The following RBFOX1 variants were observed in gnomAD, a reference collection of about 807,000 sequenced individuals.
RBFOX1 encodes the protein RNA binding fox-1 homolog 1.
Under a neutral mutation model 57.7 loss-of-function variants are expected in RBFOX1, and 8 were observed. The ratio of observed to expected loss-of-function variants is 0.14; its 90% CI spans 0.08 to 0.25. The LOEUF (loss-of-function observed/expected upper bound fraction) is 0.25. RBFOX1 is among the 10% of genes least tolerant of loss of function. The pLI is 1.00. For synonymous variants in RBFOX1, 326 were observed against 222.4 expected (o/e 1.47, Z -4.15); for missense variants, 611 against 548.5 (o/e 1.11, Z -1.14).
rs2096264395 is a variant in RBFOX1 at position 6,097,935 on chromosome 16, G to A, written c.-127+77943G>A. 6.6e-6 allele frequency among the ~76,000 whole-genome samples: 1 copy of A among 152,128 alleles called. No homozygotes were observed. The highest frequency in any genetic ancestry group is 2.1e-4 in the South Asian group (1 of 4,822). The stretch of plus-strand genomic sequence containing the variant: ...AGCAAGCATCAATGAGTCCTGGAGG[G>A]CTTTTAAACCATAGATGATCAGGGC... On this transcript the variant is annotated intron_variant, in intron 1 of 15. Transcript: ENST00000550418. This position sits in a 1 kb window ranked among gnomAD's most constrained non-coding sequence, Gnocchi z 5.0.
intron 3 of RBFOX1, among the ~76,000 whole-genome samples, chr16:6,659,459 T>A (rs1335078836): frequency 2.6e-5 from 4 of 152,166 alleles, no homozygotes; most frequent in African/African-American, 9.7e-5. Context: ...ACAATACTTC[T>A]TCCAGATCAG....
intron 1 of RBFOX1, among the ~76,000 whole-genome samples, chr16:6,096,248 G>A (rs1038251914): frequency 6.6e-6 from 1 of 152,146 alleles, no homozygotes; most frequent in African/African-American, 2.4e-5. Flanking sequence ...AAGGAGAAAA[G>A]TTCTGTCCCA....
At position 6,051,146 on chromosome 16, in the gene RBFOX1, G is replaced by T. The variant is rs750611117; in HGVS notation, c.-127+31154G>T. On this transcript the variant is annotated intron_variant, in intron 1 of 15. Transcript: ENST00000550418. ...TGGTGACAAAACTGCAATTACTTTT[G>T]CAGTAATCTAATAGTTCCTAAGGGT... 6.6e-5 allele frequency among the ~76,000 whole-genome samples: 10 copies of T among 151,284 alleles called. 1 individual carries two copies. Among genetic ancestry groups the T allele is most frequent in the Admixed American group, 1.3e-4 (2 of 15,162 alleles).
intron 12 of RBFOX1, among the ~76,000 whole-genome samples, chr16:7,662,347 T>A (rs571291044): frequency 6.6e-6 from 1 of 152,312 alleles, no homozygotes; most frequent in Admixed American, 6.5e-5. Context: ...TTCTCCTCCA[T>A]TGACAACAGC....
At chr16:6,227,731 A>G (rs1283424143) in intron 1 of RBFOX1, among the ~76,000 whole-genome samples, 3 of 152,230 alleles carry the variant, frequency 2.0e-5, no homozygotes, top group South Asian at 2.1e-4. Context: ...AAGTAGCTCT[A>G]TAGGGCCAAC....
At chr16:7,605,822 C>T (rs1297848443) in intron 9 of RBFOX1, among the ~76,000 whole-genome samples, 2 of 152,172 alleles carry the variant, frequency 1.3e-5, no homozygotes, top group African/African-American at 4.8e-5. Context: ...ACACACCTTA[C>T]CCTCCTCTGT....
intron 13 of RBFOX1, among the ~76,000 whole-genome samples, chr16:7,674,030 T>TTCAAG (rs1408152293): frequency 6.6e-6 from 1 of 152,188 alleles, no homozygotes; most frequent in African/African-American, 2.4e-5. Flanking sequence ...ATAAAATTGA[T>TTCAAG]TCAAGTCACC....
At chr16:6,661,461 T>C (rs974969267) in intron 3 of RBFOX1, among the ~76,000 whole-genome samples, 1 of 152,160 alleles carries the variant, frequency 6.6e-6, no homozygotes, top group African/African-American at 2.4e-5. Flanking sequence ...ATGGAGGGAA[T>C]AGTTTATCAG....
At chr16:7,214,384 C>T (rs1341706734) in intron 4 of RBFOX1, among the ~76,000 whole-genome samples, 1 of 152,096 alleles carries the variant, frequency 6.6e-6, no homozygotes, top group Non-Finnish European at 1.5e-5. Context: ...TCAAGCTAAA[C>T]ACTTCTTTGT....
chr16:6,747,180 C>T (rs563428101), intron 3 of RBFOX1, among the ~76,000 whole-genome samples: 86 of 152,250 alleles, frequency 5.6e-4, no homozygotes, highest in African/African-American at 1.9e-3. Flanking sequence ...GAGACTGAGA[C>T]GGTCAGATCA....
intron 1 of RBFOX1, among the ~76,000 whole-genome samples, chr16:5,299,704 G>GT (rs999187326): frequency 6.6e-6 from 1 of 152,088 alleles, no homozygotes; most frequent in African/African-American, 2.4e-5. Context: ...ATTTCATGGG[G>GT]TTTTTTGATG....
At chr16:5,743,624 GA>G (rs1299424442) in intron 3 of RBFOX1, among the ~76,000 whole-genome samples, 2 of 152,110 alleles carry the variant, frequency 1.3e-5, no homozygotes. Context: ...TGGCTACTGG[GA>G]AATTAAAAAA....
chr16:6,095,696 A>T (rs569998056), intron 1 of RBFOX1, among the ~76,000 whole-genome samples: 2 of 151,680 alleles, frequency 1.3e-5, no homozygotes, highest in African/African-American at 4.9e-5. Context: ...CTCTTCTGCG[A>T]TGGAAAGAAA....
At chr16:7,253,719 TA>T in intron 4 of RBFOX1, among the ~76,000 whole-genome samples, 1 of 152,122 alleles carries the variant, frequency 6.6e-6, no homozygotes, top group East Asian at 1.9e-4. Context: ...CATCACCACA[TA>T]GTATTCTGTG....
At chr16:7,210,510 T>C (rs1376538563) in intron 4 of RBFOX1, among the ~76,000 whole-genome samples, 1 of 152,212 alleles carries the variant, frequency 6.6e-6, no homozygotes, top group African/African-American at 2.4e-5. Context: ...ATCTATAAAA[T>C]GCCTTCACAG....
At chr16:6,188,090 C>T (rs1022008776) in intron 1 of RBFOX1, among the ~76,000 whole-genome samples, 13 of 152,104 alleles carry the variant, frequency 8.5e-5, no homozygotes, top group African/African-American at 1.4e-4. Context: ...GTGGGATCCA[C>T]GTATACAAAA....
chr16:6,508,909 A>G (rs982376391), intron 2 of RBFOX1, among the ~76,000 whole-genome samples: 6 of 152,150 alleles, frequency 3.9e-5, no homozygotes, highest in African/African-American at 1.2e-4. Context: ...TGTTGTTATC[A>G]TTAATGGTAT....
At chr16:7,120,269 A>G (rs962705520) in intron 4 of RBFOX1, among the ~76,000 whole-genome samples, 2 of 146,366 alleles carry the variant, frequency 1.4e-5, no homozygotes, top group Non-Finnish European at 3.0e-5. Context: ...AGTGCATATC[A>G]TAAGAGACTA....
At chr16:5,910,021 C>T (rs1195518739) in intron 4 of RBFOX1, among the ~76,000 whole-genome samples, 1 of 151,982 alleles carries the variant, frequency 6.6e-6, no homozygotes, top group African/African-American at 2.4e-5. Flanking sequence ...CCACTATACT[C>T]CAGCCTTGGT....
Sources: gnomAD v4.1 joint callset for allele counts (sites outside exome capture counted in the v4.1 genomes callset) on GRCh38, gnomAD v4.1.1 for gene constraint, Gnocchi (gnomAD v3.1) non-coding constraint, MANE v1.5 for transcripts, NCBI Gene and HGNC (gene_info 2026-07-23, HGNC 2026-07-21) for gene names.